Variants in ULK4 observed in about 807,000 individuals in gnomAD.
ULK4 encodes inactive serine/threonine-protein kinase ULK4.
Under a neutral mutation model 160.6 loss-of-function variants are expected in ULK4, and 133 were observed. That is an observed-to-expected ratio of 0.83 (90% confidence interval 0.72 to 0.96). The LOEUF (loss-of-function observed/expected upper bound fraction) is 0.96, where lower values mean the gene tolerates loss of function less well. Among genes scored for constraint, ULK4 ranks in the 40% least tolerant of loss-of-function variants. The probability of loss-of-function intolerance (pLI) is 0.00; values close to 1 mark genes in which losing one functional copy is unlikely to be tolerated. For missense variants in ULK4, 1,580 were observed against 1,499.5 expected (o/e 1.05, Z -0.89); for synonymous variants, 534 against 539.8 (o/e 0.99, Z 0.15).
chr3:41,369,622 G>C (rs546288982), intron 35 of ULK4, among the ~76,000 whole-genome samples: 1 of 151,670 alleles, frequency 6.6e-6, no homozygotes, highest in Non-Finnish European at 1.5e-5. Flanking sequence ...GTGAAAACCC[G>C]TCTCTACTAA....
intron 32 of ULK4, among the ~76,000 whole-genome samples, chr3:41,463,483 T>C (rs1395114953): frequency 5.3e-5 from 8 of 152,196 alleles, no homozygotes; most frequent in Admixed American, 3.9e-4. Flanking sequence ...CCAAGTGATT[T>C]TGATGCAAAG....
At chr3:41,425,892 T>C (rs984794111) in intron 34 of ULK4, among the ~76,000 whole-genome samples, 1 of 152,124 alleles carries the variant, frequency 6.6e-6, no homozygotes, top group Non-Finnish European at 1.5e-5. Flanking sequence ...AATAACCAGC[T>C]AGCATCATGA....
chr3:41,829,640 A>T (rs1286050601), intron 18 of ULK4, among the ~76,000 whole-genome samples: 1 of 152,144 alleles, frequency 6.6e-6, no homozygotes, highest in East Asian at 1.9e-4. Context: ...AAAAGTGAGG[A>T]AAACAACAGG....
intron 34 of ULK4, among the ~76,000 whole-genome samples, chr3:41,433,768 G>A (rs987962396): frequency 2.6e-5 from 4 of 152,020 alleles, no homozygotes; most frequent in Admixed American, 2.0e-4. Context: ...CGCCCAGGCT[G>A]GAGTGCAATG....
At chr3:41,507,442 T>C (rs2085431326) in intron 32 of ULK4, among the ~76,000 whole-genome samples, 1 of 151,940 alleles carries the variant, frequency 6.6e-6, no homozygotes, top group Admixed American at 6.5e-5. Flanking sequence ...TTATTTCATG[T>C]GACTCTCAGT....
intron 27 of ULK4, among the ~76,000 whole-genome samples, chr3:41,682,289 T>C (rs933744679): frequency 6.6e-6 from 1 of 152,220 alleles, no homozygotes; most frequent in Non-Finnish European, 1.5e-5. Flanking sequence ...GTAAATCCAC[T>C]ATACAAACCA....
chr3:41,332,331 A>G (rs930337877), intron 35 of ULK4, among the ~76,000 whole-genome samples: 1 of 152,226 alleles, frequency 6.6e-6, no homozygotes, highest in Non-Finnish European at 1.5e-5. Context: ...CCAATCAAAC[A>G]TTCAAATGAT....
intron 35 of ULK4, among the ~76,000 whole-genome samples, chr3:41,311,097 G>C (rs1442374658): frequency 2.0e-5 from 3 of 152,096 alleles, no homozygotes; most frequent in African/African-American, 4.8e-5. Context: ...GTGACAACTT[G>C]GCTGACCCAT....
At chr3:41,398,007 A>G in intron 35 of ULK4, 72 bp downstream of exon 35, 4 of 1,491,406 alleles carry the variant, frequency 2.7e-6, no homozygotes, top group Non-Finnish European at 3.6e-6. Context: ...AGGTCCAAGA[A>G]ATGGCTACTC....
At chr3:41,378,214 G>A (rs1027699532) in intron 35 of ULK4, among the ~76,000 whole-genome samples, 2 of 136,362 alleles carry the variant, frequency 1.5e-5, no homozygotes, top group African/African-American at 5.5e-5. Context: ...TCACACTCGG[G>A]GGACTGTCGT....
At chr3:41,586,450 C>T (rs2030808253) in intron 31 of ULK4, among the ~76,000 whole-genome samples, 1 of 151,978 alleles carries the variant, frequency 6.6e-6, no homozygotes, top group Admixed American at 6.6e-5. Context: ...AGTCAAAATC[C>T]TAGAAACAGA....
intron 35 of ULK4, among the ~76,000 whole-genome samples, chr3:41,388,410 T>A (rs2081535136): frequency 1.3e-5 from 2 of 152,032 alleles, no homozygotes; most frequent in Non-Finnish European, 2.9e-5. Context: ...TGGCTTTGGT[T>A]GCCATTGCTT....
intron 12 of ULK4, among the ~76,000 whole-genome samples, chr3:41,905,510 T>C (rs2148796570): frequency 6.6e-6 from 1 of 152,022 alleles, no homozygotes; most frequent in Non-Finnish European, 1.5e-5. Flanking sequence ...TATCAAAATT[T>C]AAAACTTTTG....
intron 32 of ULK4, among the ~76,000 whole-genome samples, chr3:41,518,475 A>G (rs1175407573): frequency 6.6e-6 from 1 of 152,196 alleles, no homozygotes; most frequent in Admixed American, 6.5e-5. Context: ...CAAATAGAAC[A>G]CTTCACCCAT....
rs554016936 is a variant in ULK4, at chr3:41,675,464, C to A, written c.2978+6044G>T. 3.9e-5 allele frequency among the ~76,000 whole-genome samples: 6 copies of A among 152,098 alleles called. No homozygotes were observed. The East Asian group carries it at 1.2e-3, about 29-fold the overall frequency. On this transcript the variant is annotated intron_variant, in intron 29 of 36. Coordinates refer to ENST00000301831, the MANE Select transcript of ULK4 (RefSeq NM_017886.4). ...AATTAGCTGGGTGTGGTGGTACATG[C>A]CTGCAGTCCCAGCTACTCAGGAGGC... is the stretch of plus-strand genomic sequence containing the variant.
At chr3:41,356,595 T>C (rs1479885794) in intron 35 of ULK4, among the ~76,000 whole-genome samples, 2 of 152,154 alleles carry the variant, frequency 1.3e-5, no homozygotes, top group Non-Finnish European at 2.9e-5. Flanking sequence ...TTCTAAGATA[T>C]ATTTTTTTTA....
At position 41,763,673 on chromosome 3, in the gene ULK4, T is replaced by C. The variant is rs1419196996; in HGVS notation, c.2194-9185A>G. The stretch of plus-strand genomic sequence containing the variant: ...AAAGCTGCTATGGACATTCTTGTAA[T>C]GTCTTTTTGTGAACATGTGCATTCA... On this transcript the variant is annotated intron_variant, in intron 21 of 36. Coordinates refer to ENST00000301831, the MANE Select transcript of ULK4 (RefSeq NM_017886.4). Among the ~76,000 whole-genome samples the C allele has an allele frequency of 2.6e-5, 4 of 152,220 alleles. No homozygotes were observed. In the East Asian group the frequency reaches 7.7e-4, roughly 29 times the overall value.
chr3:41,263,633 G>A (rs996261984), intron 35 of ULK4, among the ~76,000 whole-genome samples: 1 of 152,182 alleles, frequency 6.6e-6, no homozygotes, highest in Non-Finnish European at 1.5e-5. Flanking sequence ...CATGGACCAT[G>A]ACTGCAAGGA....
At chr3:41,604,520 T>C (rs1477422854) in intron 31 of ULK4, among the ~76,000 whole-genome samples, 2 of 152,068 alleles carry the variant, frequency 1.3e-5, no homozygotes, top group Non-Finnish European at 2.9e-5. Context: ...AAAAGATACA[T>C]AACATTCATG....
Sources: allele counts gnomAD v4.1 joint callset (sites outside exome capture counted in the v4.1 genomes callset), GRCh38; gene constraint gnomAD v4.1.1; transcripts MANE v1.5; gene names NCBI Gene and HGNC (gene_info 2026-07-23, HGNC 2026-07-21).